Variants in BRF1 observed in about 807,000 individuals in gnomAD.
BRF1 encodes BRF1 general transcription factor IIIB subunit, also known as transcription factor IIIB 90 kDa subunit.
Under a neutral mutation model 81.7 loss-of-function variants are expected in BRF1, and 59 were observed. The observed-to-expected ratio is 0.72, with a 90% CI of 0.59 to 0.90. The LOEUF is 0.90. Among genes scored for constraint, BRF1 ranks in the 40% least tolerant of loss-of-function variants. The probability of loss-of-function intolerance (pLI) is 0.00; values close to 1 mark genes in which losing one functional copy is unlikely to be tolerated. For missense variants in BRF1, 1,050 were observed against 936.3 expected (o/e 1.12, Z -1.58); for synonymous variants, 491 against 395.6 (o/e 1.24, Z -2.86).
At chr14:105,263,651 C>T (rs1033506965) in intron 3 of BRF1, among the ~76,000 whole-genome samples, 2 of 152,106 alleles carry the variant, frequency 1.3e-5, no homozygotes, top group Non-Finnish European at 2.9e-5. Context: ...CCCGGCCGGG[C>T]GCGATGGCTC....
At chr14:105,251,314 C>T (rs758030241) in intron 5 of BRF1, among the ~76,000 whole-genome samples, 13 of 152,150 alleles carry the variant, frequency 8.5e-5, no homozygotes, top group Admixed American at 7.9e-4. Context: ...GTCTCTATGT[C>T]CTAATGCATC....
At chr14:105,228,982 G>A (rs1214657063) in intron 6 of BRF1, 69 bp from the exon 7 acceptor site, 3 of 1,410,056 alleles carry the variant, frequency 2.1e-6, no homozygotes, top group African/African-American at 2.8e-5. Context: ...GGCGGCCCAG[G>A]ACAACACTGC....
At position 105,243,464 on chromosome 14, in the gene BRF1, AAAATAAAAAT is replaced by A. The variant is rs750070312; in HGVS notation, c.545-2060_545-2051del. Among the ~76,000 whole-genome samples the A allele has an allele frequency of 8.6e-4, 119 of 137,614 alleles. 2 individuals are homozygous for A. The highest frequency in any genetic ancestry group is 3.7e-3 in the Middle Eastern group (1 of 268). The allele number at this position is 137,614 out of a possible 152,430, so 90.3% of individuals were successfully genotyped here. On this transcript the variant is annotated intron_variant, in intron 5 of 17. Transcript: ENST00000547530. ...CAAGACTCTGTCTCTTAAAAAAAAA[AAAATAAAAAT>A]AAAAAATTAGTGGGTGTGGTCTAGT...
intron 10 of BRF1, chr14:105,222,238 G>A (rs1892394839): frequency 3.9e-6 from 1 of 254,220 alleles, no homozygotes. Context: ...CTGATAAAAC[G>A]GATTTCCAAA....
At chr14:105,229,030 G>T in intron 6 of BRF1, 117 bp from the exon 7 acceptor site, 3 of 906,476 alleles carry the variant, frequency 3.3e-6, no homozygotes, top group Non-Finnish European at 5.4e-6. Context: ...GAGAAGACGT[G>T]TCTGTGCCAG....
intron 2 of BRF1, among the ~76,000 whole-genome samples, chr14:105,283,472 G>A (rs1743888697): frequency 6.6e-6 from 1 of 152,200 alleles, no homozygotes; most frequent in Admixed American, 6.5e-5. Flanking sequence ...GGGCCCCGCA[G>A]CTTCCCCCAC....
intron 2 of BRF1, among the ~76,000 whole-genome samples, chr14:105,285,741 G>A (rs765932419): frequency 1.3e-5 from 2 of 152,046 alleles, no homozygotes; most frequent in Non-Finnish European, 2.9e-5. Context: ...TGAAAAGAAC[G>A]CATGAAATGG....
intron 5 of BRF1, 138 bp from the exon 6 acceptor site, chr14:105,241,552 G>C (rs891923071): frequency 8.8e-7 from 1 of 1,138,862 alleles, no homozygotes; most frequent in Non-Finnish European, 1.2e-6. Context: ...CCCTCCCCTG[G>C]ACAAAGCCTC....
Position 105,210,929 on chromosome 14 carries a change from C to T in BRF1, c.1996+193G>A, listed in dbSNP as rs940426241. 6.6e-6 allele frequency among the ~76,000 whole-genome samples: 1 copy of T among 152,218 alleles called. No individual in the cohort carries two copies. The highest frequency in any genetic ancestry group is 2.1e-4 in the South Asian group (1 of 4,834). On this transcript the variant is annotated intron_variant, in intron 17 of 17. Transcript: ENST00000547530. This position sits in a 1 kb window ranked among gnomAD's most constrained non-coding sequence, Gnocchi z 4.7. ...TGGTGGGTACCTCACCGTCCCTAGC[C>T]TCTCTGACCCTGGCTGCCTCCAACC... is the stretch of plus-strand genomic sequence containing the variant.
Position 105,224,799 on chromosome 14 carries a change from C to T in BRF1, c.1048+1270G>A, listed in dbSNP as rs192214722. On this transcript the variant is annotated intron_variant, in intron 10 of 17. Transcript: ENST00000547530. ...TGCTCAAGCAGTCCTCCTGTATTTG[C>T]CTCCCAAAGTGCTGCGATTACAGGC... Among the ~76,000 whole-genome samples, 471 of 152,298 alleles carry T rather than the reference C, an allele frequency of 3.1e-3. 8 individuals are homozygous for T. The highest frequency in any genetic ancestry group is 5.0e-4 in the Non-Finnish European group (34 of 68,026).
chr14:105,247,716 CG>C, intron 5 of BRF1: 1 of 985,470 alleles, frequency 1.0e-6, no homozygotes, highest in Non-Finnish European at 1.2e-6. Flanking sequence ...TAAAGCCTGG[CG>C]GTCCAGGAGG....
chr14:105,229,273 A>G (rs908616283), intron 6 of BRF1, among the ~76,000 whole-genome samples: 2 of 152,256 alleles, frequency 1.3e-5, no homozygotes, highest in Non-Finnish European at 2.9e-5. Context: ...CAGGCTGGGC[A>G]GGAAAGGGGC....
intron 1 of BRF1, among the ~76,000 whole-genome samples, chr14:105,298,200 A>T (rs2057818613): frequency 6.6e-6 from 1 of 152,224 alleles, no homozygotes; most frequent in African/African-American, 2.4e-5. Flanking sequence ...CATTTCAGGT[A>T]AGAATATGTG....
Position 105,311,692 on chromosome 14 carries a change from T to C in BRF1, c.-162+3630A>G, listed in dbSNP as rs182761389. 7.4e-4 allele frequency among the ~76,000 whole-genome samples: 112 copies of C among 152,306 alleles called. 2 individuals carry two copies. The highest frequency in any genetic ancestry group is 2.8e-3 in the Admixed American group (43 of 15,300). On this transcript the variant is annotated intron_variant, in intron 1 of 17. Transcript: ENST00000327359. ...GCCTCACTCTCAGCAGTTGAGCTGCTCTAAGGGTGACCGTGGGAACTGTCC... is the reference window on the plus strand; with the variant it reads ...GCCTCACTCTCAGCAGTTGAGCTGCCCTAAGGGTGACCGTGGGAACTGTCC...
At chr14:105,259,209 T>G (rs1272855098) in intron 3 of BRF1, among the ~76,000 whole-genome samples, 1 of 152,134 alleles carries the variant, frequency 6.6e-6, no homozygotes, top group African/African-American at 2.4e-5. Flanking sequence ...TTTAGGAGGC[T>G]GAGGCCAGCA....
intron 3 of BRF1, among the ~76,000 whole-genome samples, 191 bp from the exon 4 acceptor site, chr14:105,256,740 C>T (rs1005766941): frequency 3.9e-5 from 6 of 152,214 alleles, no homozygotes; most frequent in Non-Finnish European, 5.9e-5. Flanking sequence ...CTCACCAGAA[C>T]CTCCCAGCCC....
intron 4 of BRF1, among the ~76,000 whole-genome samples, chr14:105,254,204 T>C (rs1246848432): frequency 6.6e-6 from 1 of 152,244 alleles, no homozygotes; most frequent in Non-Finnish European, 1.5e-5. Flanking sequence ...GGCCTTTACA[T>C]GGAAACTCAC....
chr14:105,229,287 G>A (rs2054319780), intron 6 of BRF1, among the ~76,000 whole-genome samples: 1 of 152,248 alleles, frequency 6.6e-6, no homozygotes, highest in Non-Finnish European at 1.5e-5. Flanking sequence ...AAGGGGCGAG[G>A]CCACAGCTGG....
In BRF1 at chr14:105,211,666, CT is replaced by C. The variant is rs1890135522; in HGVS notation, c.1825-374del. ...CTGACCCCCAGAACACAGACAGAGGCTCTGCTCCGGCCCCTGCCCCAGCCCC... is the reference window on the plus strand; with the variant it reads ...CTGACCCCCAGAACACAGACAGAGGCCTGCTCCGGCCCCTGCCCCAGCCCC... On this transcript the variant is annotated intron_variant, in intron 16 of 17. Transcript: ENST00000547530. The C allele has an allele frequency of 8.4e-6, 3 of 356,972 alleles. No homozygotes were observed. In the Admixed American group the frequency reaches 1.3e-4, roughly 16 times the overall value. The allele number at this position is 356,972 out of a possible 1,614,324, so 22.1% of individuals were successfully genotyped here. A position where few individuals can be genotyped will look rare whatever the true frequency, so the allele number is the denominator to read the frequency against.
Sources: gnomAD v4.1 joint callset for allele counts (sites outside exome capture counted in the v4.1 genomes callset) on GRCh38, gnomAD v4.1.1 for gene constraint, Gnocchi (gnomAD v3.1) non-coding constraint, MANE v1.5 for transcripts, NCBI Gene and HGNC (gene_info 2026-07-23, HGNC 2026-07-21) for gene names.